CDC42: variants seen among roughly 807,000 people sequenced by gnomAD.
CDC42 encodes the protein cell division control protein 42 homolog.
In CDC42, 1 loss-of-function variant was observed where a neutral mutation model predicts 20.8. The observed-to-expected ratio is 0.05, with a 90% confidence interval of 0.02 to 0.23. The LOEUF (loss-of-function observed/expected upper bound fraction) is 0.23. Among genes scored for constraint, CDC42 ranks in the 10% least tolerant of loss-of-function variants. The pLI, the probability that CDC42 is intolerant of heterozygous loss-of-function variation, is 1.00. For synonymous variants in CDC42, 72 were observed against 84.8 expected (o/e 0.85, Z 0.83); for missense variants, 49 against 227.9 (o/e 0.21, Z 5.05).
At chr1:22,056,437 C>T (rs1645305509) in intron 1 of CDC42, among the ~76,000 whole-genome samples, 1 of 152,204 alleles carries the variant, frequency 6.6e-6, no homozygotes, top group African/African-American at 2.4e-5. Flanking sequence ...AAAAATTATT[C>T]ACTTAATGTT....
At chr1:22,068,142 T>G (rs1645444800) in intron 1 of CDC42, among the ~76,000 whole-genome samples, 1 of 152,190 alleles carries the variant, frequency 6.6e-6, no homozygotes, top group Non-Finnish European at 1.5e-5. Context: ...AAAAATCCAC[T>G]CAGTACCATT....
intron 1 of CDC42, among the ~76,000 whole-genome samples, chr1:22,075,336 C>G (rs1018456550): frequency 6.6e-6 from 1 of 152,310 alleles, no homozygotes; most frequent in East Asian, 1.9e-4. Flanking sequence ...CATTTGACTA[C>G]ATTTGTGCTG....
chr1:22,059,894 T>C (rs1277646660), intron 1 of CDC42, among the ~76,000 whole-genome samples: 1 of 18,886 alleles, frequency 5.3e-5, no homozygotes, highest in Non-Finnish European at 1.0e-4. Context: ...ATTTCCTTTT[T>C]CCTTCTTTAA....
chr1:22,054,387 T>C (rs1404266359), intron 1 of CDC42, among the ~76,000 whole-genome samples: 3 of 152,028 alleles, frequency 2.0e-5, no homozygotes, highest in African/African-American at 7.3e-5. Context: ...CGCTAATTTT[T>C]GTATTTTTTG....
intron 1 of CDC42, chr1:22,064,105 G>C (rs778496694): frequency 4.0e-5 from 6 of 150,120 alleles, no homozygotes; most frequent in Non-Finnish European, 8.9e-5. Context: ...CTGTTTTGAT[G>C]ATACAGCATC....
At chr1:22,083,673 G>A (rs921760465) in intron 3 of CDC42, among the ~76,000 whole-genome samples, 25 of 151,972 alleles carry the variant, frequency 1.6e-4, no homozygotes, top group African/African-American at 5.8e-4. Context: ...ATAATAAAAT[G>A]TGTAACATTT....
Position 22,086,761 on chromosome 1 carries a change from G to A in CDC42, c.381G>A (p.Glu127=). The change falls in exon 5 of 6, where the codon GAG becomes GAA. Residue 127 remains glutamate, a synonymous_variant. Transcript: ENST00000656825. ...TCAGAGATGACCCCTCTACTATTGA[G>A]AAACTTGCCAAGAACAAACAGAAGC... ...IDLRDDPSTI[E]KLAKNKQKPI... 1.2e-6 allele frequency: 2 copies of A among 1,613,986 alleles called. No individual in the cohort carries two copies. The highest frequency in any genetic ancestry group is 1.7e-6 in the Non-Finnish European group (2 of 1,179,952).
rs1407163886 is a variant in CDC42, at chr1:22,094,544, G to A, written c.*3027G>A. On this transcript the variant is annotated 3_prime_UTR_variant, in exon 6 of 6. Coordinates refer to ENST00000656825, the MANE Select transcript of CDC42 (RefSeq NM_001791.4). ...GATCTCCTGACCTCGTGATCCGCCC[G>A]CCTCGGCCTCCCAAAGTGCTGGGAT... Among the ~76,000 whole-genome samples, 5 of 148,044 alleles carry A rather than the reference G, an allele frequency of 3.4e-5. No individual in the cohort carries two copies. The highest frequency in any genetic ancestry group is 3.9e-4 in the East Asian group (2 of 5,134).
intron 3 of CDC42, among the ~76,000 whole-genome samples, chr1:22,082,160 A>T (rs1645614220): frequency 6.7e-6 from 1 of 150,174 alleles, no homozygotes; most frequent in South Asian, 2.1e-4. Flanking sequence ...ATGCCCACTG[A>T]TTCTCTCCCT....
chr1:22,077,800 T>G (rs971636233), intron 1 of CDC42, among the ~76,000 whole-genome samples: 2 of 152,274 alleles, frequency 1.3e-5, no homozygotes, highest in African/African-American at 4.8e-5. Flanking sequence ...TAAGTCAGTA[T>G]GCTTTAGAGC....
chr1:22,061,827 C>T (rs1645368672), intron 1 of CDC42, among the ~76,000 whole-genome samples: 1 of 151,430 alleles, frequency 6.6e-6, no homozygotes, highest in Non-Finnish European at 1.5e-5. Flanking sequence ...TCCCAAAGTG[C>T]TGGGATTACA....
At chr1:22,078,758 G>T (rs543598761) in intron 2 of CDC42, 175 bp downstream of exon 2, 2 of 1,489,332 alleles carry the variant, frequency 1.3e-6, no homozygotes, top group African/African-American at 1.4e-5. Context: ...TGAAAAATCA[G>T]TGGAAAGTCA....
intron 3 of CDC42, 74 bp downstream of exon 3, chr1:22,081,868 G>T: frequency 1.1e-6 from 1 of 943,326 alleles, no homozygotes. Flanking sequence ...TGGACATTTT[G>T]AGAAACTAGC....
chr1:22,056,854 A>G (rs553798157), intron 1 of CDC42, among the ~76,000 whole-genome samples: 3 of 152,402 alleles, frequency 2.0e-5, no homozygotes, highest in African/African-American at 4.8e-5. Flanking sequence ...TTGTTCAGCC[A>G]TGGTATTCAC....
intron 1 of CDC42, among the ~76,000 whole-genome samples, chr1:22,066,820 T>C (rs1645429123): frequency 6.6e-6 from 1 of 152,050 alleles, no homozygotes; most frequent in Non-Finnish European, 1.5e-5. Flanking sequence ...TTCCAGAACT[T>C]TGGGAGGCCG....
At chr1:22,083,111 C>T (rs1645625958) in intron 3 of CDC42, among the ~76,000 whole-genome samples, 1 of 151,866 alleles carries the variant, frequency 6.6e-6, no homozygotes, top group Non-Finnish European at 1.5e-5. Context: ...GAACTTCTGA[C>T]CTCAGGTGAT....
intron 2 of CDC42, 123 bp downstream of exon 2, chr1:22,078,706 A>T: frequency 6.6e-7 from 1 of 1,511,738 alleles, no homozygotes; most frequent in Non-Finnish European, 8.9e-7. Context: ...GTTTTTAAAG[A>T]TCTTGACTTC....
rs1645776031 is a variant in CDC42 at position 22,099,391 on chromosome 1, A to G, written c.*7874A>G. 1.3e-5 allele frequency among the ~76,000 whole-genome samples: 2 copies of G among 152,354 alleles called. No individual in the cohort carries two copies. The highest frequency in any genetic ancestry group is 3.9e-4 in the East Asian group (2 of 5,184). ...TCACAACAGCTCTGAGGTTGATAGT[A>G]CAGGTATCTTCTTTTTATGGAGCAG... On this transcript the variant is annotated 3_prime_UTR_variant, in exon 6 of 6. Coordinates refer to ENST00000656825, the MANE Select transcript of CDC42 (RefSeq NM_001791.4).
In CDC42 at chr1:22,094,487, CG is replaced by C. The variant is rs1336420284; in HGVS notation, c.*2974del. ...TAATTTTTTGTATTTTTAGTAGAGA[CG>C]GGGTTTCACCGTGTTAGCCAGAATG... On this transcript the variant is annotated 3_prime_UTR_variant, in exon 6 of 6. Transcript: ENST00000656825. 6.8e-6 allele frequency among the ~76,000 whole-genome samples: 1 copy of C among 146,178 alleles called. No homozygotes were observed. The highest frequency in any genetic ancestry group is 2.0e-4 in the East Asian group (1 of 5,064).
Sources: allele counts gnomAD v4.1 joint callset (sites outside exome capture counted in the v4.1 genomes callset), GRCh38; gene constraint gnomAD v4.1.1; transcripts MANE v1.5; gene names NCBI Gene and HGNC (gene_info 2026-07-23, HGNC 2026-07-21).